Variants in LRBA observed in about 807,000 individuals in gnomAD.
The protein encoded by LRBA is lipopolysaccharide-responsive and beige-like anchor protein.
Under a neutral mutation model 330.0 loss-of-function variants are expected in LRBA, and 176 were observed. The ratio of observed to expected loss-of-function variants is 0.53; its 90% CI spans 0.47 to 0.60. LRBA has a LOEUF of 0.60. Among genes scored for constraint, LRBA ranks in the 20% least tolerant of loss-of-function variants. The pLI is 0.00. For synonymous variants in LRBA, 1,230 were observed against 1,193.0 expected (o/e 1.03, Z -0.64); for missense variants, 3,259 against 3,444.8 (o/e 0.95, Z 1.35).
At chr4:150,465,569 TG>T (rs1482832793) in intron 44 of LRBA, among the ~76,000 whole-genome samples, 1 of 152,160 alleles carries the variant, frequency 6.6e-6, no homozygotes, top group African/African-American at 2.4e-5. Flanking sequence ...GGTTGTGAAG[TG>T]GTATCTTATT....
intron 36 of LRBA, among the ~76,000 whole-genome samples, chr4:150,703,510 A>T (rs1168160187): frequency 6.6e-6 from 1 of 152,184 alleles, no homozygotes; most frequent in Non-Finnish European, 1.5e-5. Flanking sequence ...ATAAAACAGA[A>T]CCTTTTATAA....
intron 2 of LRBA, among the ~76,000 whole-genome samples, chr4:151,000,102 G>A (rs188764357): frequency 4.4e-4 from 67 of 152,266 alleles, no homozygotes; most frequent in Admixed American, 2.2e-3. Context: ...TCCAATTTTT[G>A]ACAGTTTGAC....
chr4:150,562,587 A>G (rs558700946), intron 40 of LRBA, among the ~76,000 whole-genome samples: 35 of 152,310 alleles, frequency 2.3e-4, no homozygotes, highest in South Asian at 8.3e-4. Flanking sequence ...TAGGAAGAAG[A>G]GAGAACTAAG....
intron 2 of LRBA, among the ~76,000 whole-genome samples, chr4:150,990,032 G>A (rs1470566077): frequency 2.0e-5 from 3 of 151,668 alleles, no homozygotes; most frequent in African/African-American, 7.3e-5. Context: ...AATATCACTA[G>A]GTAAAATATT....
At chr4:150,999,815 C>T (rs1203517792) in intron 2 of LRBA, among the ~76,000 whole-genome samples, 1 of 152,062 alleles carries the variant, frequency 6.6e-6, no homozygotes, top group Admixed American at 6.5e-5. Context: ...TACTATGTGT[C>T]AAGTACTCTT....
At chr4:150,897,432 C>T (rs954981924) in intron 15 of LRBA, among the ~76,000 whole-genome samples, 1 of 151,960 alleles carries the variant, frequency 6.6e-6, no homozygotes, top group Admixed American at 6.6e-5. Flanking sequence ...ATGAAACCTC[C>T]TTCAGGAGTT....
intron 37 of LRBA, among the ~76,000 whole-genome samples, chr4:150,651,113 A>C (rs1779664584): frequency 6.6e-6 from 1 of 152,188 alleles, no homozygotes; most frequent in African/African-American, 2.4e-5. Flanking sequence ...GTTGAAAATT[A>C]TATGCTAATT....
chr4:150,459,443 A>G (rs980663701), intron 44 of LRBA, among the ~76,000 whole-genome samples: 1 of 151,974 alleles, frequency 6.6e-6, no homozygotes, highest in Admixed American at 6.6e-5. Context: ...CAGTTGACTG[A>G]CAGACAGATT....
At chr4:150,523,267 T>G (rs1282848433) in intron 40 of LRBA, among the ~76,000 whole-genome samples, 1 of 152,164 alleles carries the variant, frequency 6.6e-6, no homozygotes, top group African/African-American at 2.4e-5. Context: ...TAATCTCTAT[T>G]GTATTGGGCA....
At chr4:150,984,942 T>C (rs1227542085) in intron 2 of LRBA, among the ~76,000 whole-genome samples, 1 of 152,180 alleles carries the variant, frequency 6.6e-6, no homozygotes, top group Non-Finnish European at 1.5e-5. Context: ...TATCTAACTC[T>C]TAAGAAAGTA....
intron 2 of LRBA, 37 bp from the exon 3 acceptor site, chr4:150,929,102 A>G: frequency 7.6e-7 from 1 of 1,307,672 alleles, no homozygotes; most frequent in Non-Finnish European, 1.1e-6. Context: ...TAAAAGCATT[A>G]GTATCCTCAA....
At chr4:150,527,630 G>A (rs929120336) in intron 40 of LRBA, among the ~76,000 whole-genome samples, 8 of 152,088 alleles carry the variant, frequency 5.3e-5, no homozygotes, top group African/African-American at 1.7e-4. Context: ...GCAGAAGAAT[G>A]GATGATAACT....
chr4:150,294,286 C>G (rs989126879), intron 53 of LRBA, among the ~76,000 whole-genome samples: 2 of 152,170 alleles, frequency 1.3e-5, no homozygotes, highest in African/African-American at 4.8e-5. Context: ...CTTTTTGTGT[C>G]TCTCGCAAAT....
intron 42 of LRBA, among the ~76,000 whole-genome samples, chr4:150,473,429 T>C (rs1050816414): frequency 1.1e-4 from 17 of 152,232 alleles, no homozygotes; most frequent in African/African-American, 4.1e-4. Context: ...GGTATATCTG[T>C]GATGGCATTT....
chr4:150,848,293 G>A (rs989405683), intron 26 of LRBA, among the ~76,000 whole-genome samples: 10 of 152,078 alleles, frequency 6.6e-5, no homozygotes, highest in East Asian at 5.8e-4. Flanking sequence ...GGGATTACAG[G>A]TGTGAGCCAC....
intron 37 of LRBA, among the ~76,000 whole-genome samples, chr4:150,661,350 A>G (rs1415512965): frequency 5.3e-5 from 8 of 151,236 alleles, no homozygotes. Context: ...AATCCCAGCT[A>G]TTCAGGAGGC....
chr4:150,890,205 T>C lies in LRBA; in HGVS notation c.2165+2847A>G, dbSNP rs925575495. On this transcript the variant is annotated intron_variant, in intron 17 of 56. Coordinates refer to ENST00000651943, the MANE Select transcript of LRBA (RefSeq NM_001364905.1). ...CAGGAAGAGTTGTAAAAATTTAGAA[T>C]TGTATCTGAAGGAACAAAGAAATGT... 3.9e-5 allele frequency among the ~76,000 whole-genome samples: 6 copies of C among 152,208 alleles called. No homozygotes were observed. In the East Asian group the frequency reaches 1.2e-3, roughly 29 times the overall value.
chr4:150,514,329 C>G (rs928960176), intron 40 of LRBA, among the ~76,000 whole-genome samples: 3 of 151,682 alleles, frequency 2.0e-5, no homozygotes, highest in Non-Finnish European at 4.4e-5. Flanking sequence ...GCCTTGGCCT[C>G]CTTAAGTGTT....
At chr4:150,879,560 C>CA (rs1218507728) in intron 17 of LRBA, among the ~76,000 whole-genome samples, 4 of 151,684 alleles carry the variant, frequency 2.6e-5, no homozygotes, top group Non-Finnish European at 4.4e-5. Flanking sequence ...CCAAATAGGA[C>CA]AAAAAAAATT....
Sources: allele counts gnomAD v4.1 joint callset (sites outside exome capture counted in the v4.1 genomes callset), GRCh38; gene constraint gnomAD v4.1.1; transcripts MANE v1.5; gene names NCBI Gene and HGNC (gene_info 2026-07-23, HGNC 2026-07-21).